ERBB3: variants seen among roughly 807,000 people sequenced by gnomAD.
ERBB3 encodes receptor tyrosine-protein kinase erbB-3.
ERBB3 carries 96 observed loss-of-function variants against 156.7 expected under a neutral mutation model. The observed-to-expected ratio is 0.61, with a 90% confidence interval of 0.52 to 0.73. The LOEUF (loss-of-function observed/expected upper bound fraction) is 0.73, where lower values mean the gene tolerates loss of function less well. Ranked by LOEUF, ERBB3 falls within the 30% of genes least tolerant of loss-of-function variation. ERBB3 has a pLI of 0.00. For synonymous variants in ERBB3, 567 were observed against 632.0 expected (o/e 0.90, Z 1.54); for missense variants, 1,406 against 1,709.4 (o/e 0.82, Z 3.13).
rs150528532 is a variant in ERBB3, at chr12:56,096,246, G to A, written c.2056-257G>A. ...ATAGTACTACCAACTCTCCCTAGCT[G>A]TCCCCTTCCCCACTTTGTGCTCCTC... On this transcript the variant is annotated intron_variant, in intron 17 of 27. Coordinates refer to ENST00000267101, the MANE Select transcript of ERBB3 (RefSeq NM_001982.4). 1.1e-5 allele frequency: 6 copies of A among 568,860 alleles called. No individual in the cohort carries two copies. The East Asian group carries it at 1.8e-4, about 17-fold the overall frequency. The allele number at this position is 568,860 out of a possible 1,614,324, so 35.2% of individuals were successfully genotyped here.
intron 1 of ERBB3, among the ~76,000 whole-genome samples, chr12:56,082,614 TG>T (rs1350028965): frequency 6.6e-6 from 1 of 152,102 alleles, no homozygotes; most frequent in Non-Finnish European, 1.5e-5. Context: ...GAAGGGTGGC[TG>T]GAACAGGTGG....
At chr12:56,088,918 C>G (rs767747698) in intron 9 of ERBB3, 50 bp downstream of exon 9, 3 of 1,612,122 alleles carry the variant, frequency 1.9e-6, no homozygotes, top group Non-Finnish European at 2.5e-6. Flanking sequence ...GCACCCCTCA[C>G]AGTTCATTTC....
chr12:56,087,137 A>C (rs1267881593), intron 4 of ERBB3, among the ~76,000 whole-genome samples: 7 of 23,062 alleles, frequency 3.0e-4, no homozygotes, highest in African/African-American at 6.4e-4. Flanking sequence ...ACCCTGTCTC[A>C]AAAAAAAAAA....
chr12:56,088,866 T>C lies in ERBB3; in HGVS notation c.1107T>C (p.Asn369=), dbSNP rs1868574408. 1.2e-6 allele frequency: 2 copies of C among 1,614,058 alleles called. No individual in the cohort carries two copies. Among genetic ancestry groups the C allele is most frequent in the Non-Finnish European group, 1.7e-6 (2 of 1,180,000 alleles). Residue 369 remains asparagine (N), a splice_region_variant and synonymous_variant, in exon 9 of 28, where the codon AAT becomes AAC. Coordinates refer to ENST00000267101, the MANE Select transcript of ERBB3 (RefSeq NM_001982.4). The part of the protein sequence containing the change: ...GNLDFLITGL[N]GDPWHKIPAL... ...TGGACTTTCTGATCACCGGCCTCAATGGGTTAGAGATCCTGCCTTCCCTCC... is the reference window on the plus strand; with the variant it reads ...TGGACTTTCTGATCACCGGCCTCAACGGGTTAGAGATCCTGCCTTCCCTCC...
chr12:56,092,887 C>G, intron 10 of ERBB3, 67 bp downstream of exon 10: 1 of 1,556,142 alleles, frequency 6.4e-7, no homozygotes, highest in Non-Finnish European at 8.9e-7. Context: ...TGCGGTATAA[C>G]TACTTGAGAA....
chr12:56,080,511 C>G, intron 1 of ERBB3, 129 bp downstream of exon 1: 1 of 745,440 alleles, frequency 1.3e-6, no homozygotes, highest in South Asian at 1.7e-5. Flanking sequence ...TTTGCCAGGA[C>G]CACCTGGGAG....
rs1869159552 is a variant in ERBB3 at position 56,102,814 on chromosome 12, A to AAAC, written c.*761_*762insCAA. 4.8e-6 allele frequency: 1 copy of AAAC among 207,424 alleles called. No homozygotes were observed. The highest frequency in any genetic ancestry group is 9.7e-6 in the Non-Finnish European group (1 of 102,648). The allele number at this position is 207,424 out of a possible 1,614,324, so 12.8% of individuals were successfully genotyped here. ...TAAGACCCCCATCTCTTTAAAAAAA[A>AAAC]AAAAAAAAAAAAAAAAAAAACTTTA... On this transcript the variant is annotated 3_prime_UTR_variant, in exon 28 of 28. Coordinates refer to ENST00000267101, the MANE Select transcript of ERBB3 (RefSeq NM_001982.4).
intron 10 of ERBB3, 59 bp downstream of exon 10, chr12:56,092,879 C>A (rs377498727): frequency 6.4e-7 from 1 of 1,555,570 alleles, no homozygotes; most frequent in Non-Finnish European, 8.9e-7. Flanking sequence ...GCATAAATTG[C>A]GGTATAACTA....
chr12:56,100,482 A>G (rs1173758282), intron 26 of ERBB3, among the ~76,000 whole-genome samples: 1 of 151,892 alleles, frequency 6.6e-6, no homozygotes, highest in Non-Finnish European at 1.5e-5. Flanking sequence ...TCTCTACCCA[A>G]AATACAAAAA....
chr12:56,099,062 G>T (rs1334791076), intron 23 of ERBB3, 157 bp downstream of exon 23: 1 of 687,390 alleles, frequency 1.5e-6, no homozygotes, highest in South Asian at 1.9e-5. Context: ...GGGTTCAAGA[G>T]ATTCTCCTGC....
At position 56,080,345 on chromosome 12, in the gene ERBB3, C is replaced by A; in HGVS notation, c.45C>A (p.Ser15Arg). The change falls in exon 1 of 28, where the codon AGC (serine) becomes AGA (arginine). Residue 15 changes from serine (S) to arginine (R), a missense_variant. By Grantham distance (110) the Ser-to-Arg change is moderately radical. This residue lies in a region of ERBB3 where 979 missense variants were observed against 1,219.6 expected (regional missense o/e 0.80). Coordinates refer to ENST00000267101, the MANE Select transcript of ERBB3 (RefSeq NM_001982.4). ...TGCAGGTGCTGGGCTTGCTTTTCAGCCTGGCCCGGGGCTCCGAGGTGGGCA... is the reference window on the plus strand; with the variant it reads ...TGCAGGTGCTGGGCTTGCTTTTCAGACTGGCCCGGGGCTCCGAGGTGGGCA... ...DALQVLGLLF[S>R]LARGSEVGNS... The A allele has an allele frequency of 6.3e-7, 1 of 1,592,920 alleles. No homozygotes were observed. Among genetic ancestry groups the A allele is most frequent in the Non-Finnish European group, 8.6e-7 (1 of 1,168,950 alleles).
At chr12:56,088,904 C>T (rs1868576164) in intron 9 of ERBB3, 36 bp downstream of exon 9, 1 of 1,613,512 alleles carries the variant, frequency 6.2e-7, no homozygotes, top group South Asian at 1.1e-5. Flanking sequence ...AGACCCCAGC[C>T]CACGCACCCC....
In ERBB3 at chr12:56,093,837, G is replaced by T. The variant is rs572923795; in HGVS notation, c.1554G>T (p.Leu518Phe). 45 of 1,613,920 alleles carry T rather than the reference G, an allele frequency of 2.8e-5. No homozygotes were observed. The South Asian group carries it at 4.8e-4, about 17-fold the overall frequency. Residue 518 changes from leucine to phenylalanine, a missense_variant, in exon 13 of 28, where the codon TTG becomes TTT. Physicochemically the swap from Leu to Phe is conservative, Grantham distance 22. Around this residue, in one of 3 missense-constraint regions of ERBB3, gnomAD observed 979 missense variants for 1,219.6 expected, o/e 0.80. Coordinates refer to ENST00000267101, the MANE Select transcript of ERBB3 (RefSeq NM_001982.4). Reference sequence around the variant, plus strand: ...GGGGCCCAGGCCCTGGTCAGTGCTTGTCCTGTCGAAATTATAGCCGAGGAG... The same window carrying T: ...GGGGCCCAGGCCCTGGTCAGTGCTTTTCCTGTCGAAATTATAGCCGAGGAG... ...GCWGPGPGQCLSCRNYSRGGV... is the reference protein window; with the variant it reads ...GCWGPGPGQCFSCRNYSRGGV...
intron 14 of ERBB3, 61 bp from the exon 15 acceptor site, chr12:56,094,341 C>G: frequency 6.2e-7 from 1 of 1,600,760 alleles, no homozygotes; most frequent in South Asian, 1.1e-5. Context: ...TTGGTCTTTG[C>G]TGGGAGGTAT....
At chr12:56,098,227 AC>A (rs1023828943) in intron 21 of ERBB3, 91 of 538,600 alleles carry the variant, frequency 1.7e-4, no homozygotes, top group Admixed American at 3.3e-4. Flanking sequence ...GCACGGTGAA[AC>A]CCCGTCTCTA....
chr12:56,088,856 C>A lies in ERBB3; in HGVS notation c.1097C>A (p.Thr366Asn), dbSNP rs1868573572. The A allele has an allele frequency of 6.2e-7, 1 of 1,614,124 alleles. No homozygotes were observed. Among genetic ancestry groups the A allele is most frequent in the Non-Finnish European group, 8.5e-7 (1 of 1,180,016 alleles). ...KILGNLDFLI[T>N]GLNGDPWHKI... ...CTGGGCAACCTGGACTTTCTGATCA[C>A]CGGCCTCAATGGGTTAGAGATCCTG... The change falls in exon 9 of 28, where the codon ACC becomes AAC. Residue 366 changes from threonine to asparagine, a missense_variant. Physicochemically the swap from Thr to Asn is moderately conservative, Grantham distance 65. Around this residue, in one of 3 missense-constraint regions of ERBB3, gnomAD observed 979 missense variants for 1,219.6 expected, o/e 0.80. Transcript: ENST00000267101.
Position 56,102,825 on chromosome 12 carries a change from A to AC in ERBB3, c.*770_*771insC, listed in dbSNP as rs1565862641. The AC allele has an allele frequency of 1.4e-5, 3 of 214,950 alleles. No homozygotes were observed. The highest frequency in any genetic ancestry group is 6.7e-5 in the East Asian group (1 of 14,982). 13.3% of individuals were successfully genotyped at this position (214,950 alleles called of 1,614,324 possible). A position where few individuals can be genotyped will look rare whatever the true frequency, so the allele number is the denominator to read the frequency against. ...TCTCTTTAAAAAAAAAAAAAAAAAAAAAAAAAAAACTTTAGAACTGGGTGC... is the reference window on the plus strand; with the variant it reads ...TCTCTTTAAAAAAAAAAAAAAAAAAACAAAAAAAAACTTTAGAACTGGGTGC... On this transcript the variant is annotated 3_prime_UTR_variant, in exon 28 of 28. Coordinates refer to ENST00000267101, the MANE Select transcript of ERBB3 (RefSeq NM_001982.4).
At chr12:56,083,634 T>A in intron 1 of ERBB3, 117 bp from the exon 2 acceptor site, 1 of 1,175,778 alleles carries the variant, frequency 8.5e-7, no homozygotes, top group Non-Finnish European at 1.3e-6. Context: ...GCAAATGCCA[T>A]CTGATCCTGT....
intron 1 of ERBB3, 146 bp from the exon 2 acceptor site, chr12:56,083,605 G>A (rs576623741): frequency 2.2e-5 from 18 of 830,760 alleles, no homozygotes; most frequent in Admixed American, 7.1e-5. Flanking sequence ...TCTGCCTATC[G>A]CTTGTGGGAG....
Sources: allele counts gnomAD v4.1 joint callset (sites outside exome capture counted in the v4.1 genomes callset), GRCh38; gene constraint gnomAD v4.1.1; regional missense constraint gnomAD v4.1.1; transcripts MANE v1.5; gene names NCBI Gene and HGNC (gene_info 2026-07-23, HGNC 2026-07-21).